Variants in DSCAML1 observed in about 807,000 individuals in gnomAD.
DSCAML1 encodes cell adhesion molecule DSCAML1.
Under a neutral mutation model 200.5 loss-of-function variants are expected in DSCAML1, and 38 were observed. The ratio of observed to expected loss-of-function variants is 0.19; its 90% CI spans 0.15 to 0.25. DSCAML1 has a LOEUF of 0.25. DSCAML1 is among the 10% of genes least tolerant of loss of function. DSCAML1 has a pLI of 1.00. For synonymous variants in DSCAML1, 1,215 were observed against 1,165.0 expected, an observed-to-expected ratio of 1.04 and a Z score of -0.87; for missense variants, 2,223 against 2,858.8, an observed-to-expected ratio of 0.78 and a Z score of 5.07.
At chr11:117,699,784 T>A (rs1377247845) in intron 3 of DSCAML1, among the ~76,000 whole-genome samples, 1 of 152,210 alleles carries the variant, frequency 6.6e-6, no homozygotes. Flanking sequence ...GCACATTTGA[T>A]TGCATCAGAC....
intron 8 of DSCAML1, among the ~76,000 whole-genome samples, chr11:117,506,403 T>G (rs1247372713): frequency 6.6e-6 from 1 of 152,150 alleles, no homozygotes; most frequent in African/African-American, 2.4e-5. Flanking sequence ...GAAAAGAAAT[T>G]GCCCTAGGTT....
At chr11:117,762,842 A>C (rs2054827670) in intron 3 of DSCAML1, among the ~76,000 whole-genome samples, 1 of 149,224 alleles carries the variant, frequency 6.7e-6, no homozygotes, top group African/African-American at 2.5e-5. Flanking sequence ...CAGCCTGGGC[A>C]ACAGAGTGAG....
rs71037492 is a variant in DSCAML1 at position 117,687,426 on chromosome 11, A to ATTTTTTTTTTTTTTTTTTTTT, written c.511+89344_511+89364dup. Among the ~76,000 whole-genome samples the ATTTTTTTTTTTTTTTTTTTTT allele has an allele frequency of 3.3e-4, 32 of 97,638 alleles. 1 individual carries two copies. The highest frequency in any genetic ancestry group is 5.6e-4 in the Non-Finnish European group (29 of 51,482). 64.1% of individuals were successfully genotyped at this position (97,638 alleles called of 152,430 possible). A position where few individuals can be genotyped will look rare whatever the true frequency, so the allele number is the denominator to read the frequency against. Reference sequence around the variant, plus strand: ...CAGGTGTGCTCCACCATGCCTGGCTATTTTTTTTTTTTTTTTTTTTTTAGA... The same window carrying ATTTTTTTTTTTTTTTTTTTTT: ...CAGGTGTGCTCCACCATGCCTGGCTATTTTTTTTTTTTTTTTTTTTTTTTTTTTTTTTTTTTTTTTTTTAGA... On this transcript the variant is annotated intron_variant, in intron 3 of 32. Transcript: ENST00000651296.
chr11:117,722,778 A>G (rs1358037300), intron 3 of DSCAML1, among the ~76,000 whole-genome samples: 1 of 152,184 alleles, frequency 6.6e-6, no homozygotes, highest in African/African-American at 2.4e-5. Context: ...GGTGTAGACA[A>G]CCAAACTCCT....
chr11:117,472,137 A>G, intron 14 of DSCAML1, 101 bp from the exon 15 acceptor site: 1 of 1,359,762 alleles, frequency 7.4e-7, no homozygotes, highest in Admixed American at 1.9e-5. Context: ...TGGATGCCCG[A>G]GGGGTCCAGC....
chr11:117,778,618 T>C (rs527677645), intron 2 of DSCAML1, among the ~76,000 whole-genome samples: 85 of 152,392 alleles, frequency 5.6e-4, no homozygotes, highest in South Asian at 1.2e-3. Flanking sequence ...TGCGATTAAC[T>C]GGCTATGTGC....
chr11:117,756,869 C>T (rs1293802618), intron 3 of DSCAML1, among the ~76,000 whole-genome samples: 1 of 152,206 alleles, frequency 6.6e-6, no homozygotes, highest in Non-Finnish European at 1.5e-5. Flanking sequence ...AGGGCACGCT[C>T]AGCGGTGGCT....
chr11:117,571,211 C>G (rs2050842936), intron 3 of DSCAML1, among the ~76,000 whole-genome samples: 1 of 152,168 alleles, frequency 6.6e-6, no homozygotes, highest in Non-Finnish European at 1.5e-5. Flanking sequence ...TGAGAAATAT[C>G]CCTGGCCTGG....
intron 3 of DSCAML1, among the ~76,000 whole-genome samples, chr11:117,560,051 T>G (rs1591265508): frequency 3.5e-5 from 5 of 142,612 alleles, no homozygotes; most frequent in Admixed American, 7.0e-5. Context: ...CTGGGAGGGG[T>G]GGGGGCAGGA....
At chr11:117,654,806 C>T (rs540432245) in intron 3 of DSCAML1, among the ~76,000 whole-genome samples, 14 of 152,288 alleles carry the variant, frequency 9.2e-5, no homozygotes, top group African/African-American at 3.1e-4. Context: ...AACCATTTAT[C>T]TGCGGCGTGG....
chr11:117,624,254 G>A (rs142808312), intron 3 of DSCAML1, among the ~76,000 whole-genome samples: 54 of 152,290 alleles, frequency 3.5e-4, no homozygotes, highest in African/African-American at 1.2e-3. Context: ...GAAGGATGGG[G>A]AGCAGAGCCA....
intron 3 of DSCAML1, among the ~76,000 whole-genome samples, chr11:117,548,633 T>A (rs901643708): frequency 6.6e-6 from 1 of 152,120 alleles, no homozygotes; most frequent in Non-Finnish European, 1.5e-5. Context: ...GATATATCAG[T>A]ATCACTCCTC....
intron 3 of DSCAML1, among the ~76,000 whole-genome samples, chr11:117,679,312 C>T (rs575889863): frequency 3.9e-5 from 6 of 152,168 alleles, no homozygotes; most frequent in Admixed American, 6.5e-5. Context: ...GCTGGTGCGG[C>T]GGTCGGAGCT....
intron 3 of DSCAML1, among the ~76,000 whole-genome samples, chr11:117,553,054 A>G (rs2050496457): frequency 6.6e-6 from 1 of 152,168 alleles, no homozygotes; most frequent in African/African-American, 2.4e-5. Flanking sequence ...GGGTGATGAG[A>G]TCAAGTTTCT....
chr11:117,557,581 T>C (rs1456417209), intron 3 of DSCAML1, among the ~76,000 whole-genome samples: 2 of 152,224 alleles, frequency 1.3e-5, no homozygotes, highest in Non-Finnish European at 1.5e-5. Flanking sequence ...AGCATTTCAC[T>C]GTGTGCAATT....
In DSCAML1 at chr11:117,437,898, G is replaced by T. The variant is rs769974413; in HGVS notation, c.4429C>A (p.Arg1477=). Residue 1477 remains arginine, a synonymous_variant, in exon 25 of 33, where the codon CGG becomes AGG. Coordinates refer to ENST00000651296, the MANE Select transcript of DSCAML1 (RefSeq NM_020693.4). The surrounding 1 kb of genome is among the most constrained non-coding windows in gnomAD (Gnocchi z 5.3). The part of the protein sequence containing the change: ...SEIIEAKTHG[R]EPSFSKDQHL... ...GCCCCAGTGGCCTGGGCCTCACCCC[G>T]CCCGTGGGTCTTGGCCTCGATGATC... 5.0e-6 allele frequency: 8 copies of T among 1,592,830 alleles called. No individual in the cohort carries two copies. In the African/African-American group the frequency reaches 1.1e-4, roughly 21 times the overall value.
chr11:117,626,213 T>G (rs77540819), intron 3 of DSCAML1, among the ~76,000 whole-genome samples: 3 of 84,850 alleles, frequency 3.5e-5, no homozygotes, highest in African/African-American at 4.3e-5. Context: ...CCCCCCCTCC[T>G]TCTTCTGGCA....
At chr11:117,671,520 C>G (rs576478123) in intron 3 of DSCAML1, among the ~76,000 whole-genome samples, 1 of 152,164 alleles carries the variant, frequency 6.6e-6, no homozygotes, top group African/African-American at 2.4e-5. Context: ...GCTGTGTGCC[C>G]GGCAGGATAA....
intron 3 of DSCAML1, among the ~76,000 whole-genome samples, chr11:117,746,147 G>T (rs538991127): frequency 1.3e-5 from 2 of 149,346 alleles, no homozygotes; most frequent in South Asian, 4.2e-4. Context: ...GCGTGAACCC[G>T]GGAGGCGGAG....
Sources: gnomAD v4.1 joint callset for allele counts (sites outside exome capture counted in the v4.1 genomes callset) on GRCh38, gnomAD v4.1.1 for gene constraint, Gnocchi (gnomAD v3.1) non-coding constraint, MANE v1.5 for transcripts, NCBI Gene and HGNC (gene_info 2026-07-23, HGNC 2026-07-21) for gene names.